Variants in DNAH10 observed in about 807,000 individuals in gnomAD.
DNAH10 encodes the protein dynein axonemal heavy chain 10.
Under a neutral mutation model 506.6 loss-of-function variants are expected in DNAH10, and 348 were observed. The ratio of observed to expected loss-of-function variants is 0.69; its 90% CI spans 0.63 to 0.75. The LOEUF (loss-of-function observed/expected upper bound fraction) is 0.75, where lower values mean the gene tolerates loss of function less well. DNAH10 is among the 30% of genes least tolerant of loss of function. DNAH10 has a pLI of 0.00. For synonymous variants in DNAH10, 2,059 were observed against 2,198.6 expected, an observed-to-expected ratio of 0.94 and a Z score of 1.78; for missense variants, 5,179 against 5,787.1, an observed-to-expected ratio of 0.89 and a Z score of 3.41.
intron 35 of DNAH10, among the ~76,000 whole-genome samples, chr12:123,851,753 G>A (rs552426425): frequency 2.1e-4 from 32 of 152,194 alleles, no homozygotes; most frequent in Non-Finnish European, 3.7e-4. Flanking sequence ...CACCACATCA[G>A]GATACAGAAC....
intron 25 of DNAH10, among the ~76,000 whole-genome samples, chr12:123,827,386 AAT>A (rs1960100125): frequency 6.6e-6 from 1 of 152,246 alleles, no homozygotes; most frequent in African/African-American, 2.4e-5. Context: ...CTTCTTAAAA[AAT>A]ATGTCAAAGT....
Position 123,762,330 on chromosome 12 carries a change from C to T in DNAH10, c.-7C>T, listed in dbSNP as rs538416949. 10 of 1,336,132 alleles carry T rather than the reference C, an allele frequency of 7.5e-6. No individual in the cohort carries two copies. Among genetic ancestry groups the T allele is most frequent in the East Asian group, 3.1e-5 (1 of 32,526 alleles). 82.8% of individuals were successfully genotyped at this position (1,336,132 alleles called of 1,614,324 possible). On this transcript the variant is annotated 5_prime_UTR_variant, in exon 1 of 79. Coordinates refer to ENST00000673944, the MANE Select transcript of DNAH10 (RefSeq NM_001372106.1). This position sits in a 1 kb window ranked among gnomAD's most constrained non-coding sequence, Gnocchi z 5.0. The stretch of plus-strand genomic sequence containing the variant: ...TGCGCCCGGCTCCCTCTGCACTGCG[C>T]GGCGCCATGGACGACCTGCGGGTGC...
chr12:123,930,251 C>T (rs1955142822), intron 72 of DNAH10, 151 bp from the exon 73 acceptor site: 1 of 688,800 alleles, frequency 1.5e-6, no homozygotes, highest in African/African-American at 1.9e-5. Flanking sequence ...GAACAGTGGC[C>T]CGAAAGGTTA....
intron 36 of DNAH10, among the ~76,000 whole-genome samples, chr12:123,854,271 C>T (rs931762293): frequency 1.3e-5 from 2 of 152,150 alleles, no homozygotes; most frequent in Non-Finnish European, 2.9e-5. Flanking sequence ...AGTTGAAGGG[C>T]GATCATGCTA....
At chr12:123,875,534 G>T (rs756773715) in intron 47 of DNAH10, 43 bp downstream of exon 47, 1 of 1,608,124 alleles carries the variant, frequency 6.2e-7, no homozygotes, top group Non-Finnish European at 8.5e-7. Context: ...AAGACCTTGT[G>T]TTGGGGGGAA....
Position 123,808,788 on chromosome 12 carries a change from C to T in DNAH10, c.2988-9C>T, listed in dbSNP as rs775072214. On this transcript the variant is annotated splice_polypyrimidine_tract_variant and intron_variant, in intron 18 of 78. Transcript: ENST00000673944. ...TACACTCTGAGTCTTTCTCATCAACCCCTCTTAGGAACTTGCAGTCTTTTA... is the reference window on the plus strand; with the variant it reads ...TACACTCTGAGTCTTTCTCATCAACTCCTCTTAGGAACTTGCAGTCTTTTA... 102 of 1,613,864 alleles carry T rather than the reference C, an allele frequency of 6.3e-5. No individual in the cohort carries two copies. In the East Asian group the frequency reaches 2.2e-3, roughly 35 times the overall value.
Position 123,919,033 on chromosome 12 carries a change from G to A in DNAH10, c.11506+84G>A. On this transcript the variant is annotated intron_variant, in intron 65 of 78. Transcript: ENST00000673944. The surrounding 1 kb of genome is among the most constrained non-coding windows in gnomAD (Gnocchi z 4.9). ...TTAAGGAAACGTGATCTGTGAAAATGGAAAGTTACCAAATAGCATTTTTTC... is the reference window on the plus strand; with the variant it reads ...TTAAGGAAACGTGATCTGTGAAAATAGAAAGTTACCAAATAGCATTTTTTC... 7.1e-7 allele frequency: 1 copy of A among 1,412,240 alleles called. No homozygotes were observed. The highest frequency in any genetic ancestry group is 9.4e-7 in the Non-Finnish European group (1 of 1,068,922). The allele number at this position is 1,412,240 out of a possible 1,614,324, so 87.5% of individuals were successfully genotyped here.
chr12:123,770,321 C>A (rs533875217), intron 2 of DNAH10, among the ~76,000 whole-genome samples: 2 of 151,650 alleles, frequency 1.3e-5, no homozygotes, highest in Non-Finnish European at 2.9e-5. Context: ...GTCTCAAACT[C>A]CTGGCCTCAA....
chr12:123,918,624 C>T, intron 64 of DNAH10, 52 bp from the exon 65 acceptor site: 1 of 1,522,334 alleles, frequency 6.6e-7, no homozygotes, highest in Non-Finnish European at 8.8e-7. Context: ...CTCCTGCCCT[C>T]TGCCCACATC....
At position 123,935,453 on chromosome 12, in the gene DNAH10, G is replaced by C; in HGVS notation, c.13742G>C (p.Gly4581Ala). 1 of 1,599,940 alleles carries C rather than the reference G, an allele frequency of 6.3e-7. No individual in the cohort carries two copies. Among genetic ancestry groups the C allele is most frequent in the Non-Finnish European group, 8.6e-7 (1 of 1,168,108 alleles). Residue 4581 changes from glycine (G) to alanine (A), a missense_variant, in exon 79 of 79, where the codon GGA becomes GCA. Transcript: ENST00000673944. Reference sequence around the variant, plus strand: ...CACATTTCTCACTGGGTGCTGCAAGGAGTATGCCTCACCCTGAATTCTGAT... The same window carrying C: ...CACATTTCTCACTGGGTGCTGCAAGCAGTATGCCTCACCCTGAATTCTGAT... ...TRHISHWVLQ[G>A]VCLTLNSD
At chr12:123,810,526 A>G (rs1418269797) in intron 19 of DNAH10, among the ~76,000 whole-genome samples, 1 of 152,080 alleles carries the variant, frequency 6.6e-6, no homozygotes, top group Admixed American at 6.6e-5. Context: ...CTAAAAATAC[A>G]CACACATACA....
chr12:123,818,222 C>T (rs1187550236), intron 21 of DNAH10, among the ~76,000 whole-genome samples: 1 of 151,786 alleles, frequency 6.6e-6, no homozygotes, highest in Non-Finnish European at 1.5e-5. Flanking sequence ...GCTGGGATTA[C>T]AGACGTGAGC....
intron 77 of DNAH10, chr12:123,934,250 G>C (rs1287878440): frequency 1.4e-6 from 1 of 699,162 alleles, no homozygotes; most frequent in Non-Finnish European, 2.6e-6. Flanking sequence ...GGCTCACAGG[G>C]TAGCTGGGGT....
At chr12:123,795,097 G>C (rs901396176) in intron 12 of DNAH10, among the ~76,000 whole-genome samples, 8 of 136,832 alleles carry the variant, frequency 5.8e-5, no homozygotes, top group Non-Finnish European at 3.0e-5. Context: ...GCAGTGAGCT[G>C]AGATCGCGCG....
intron 2 of DNAH10, 87 bp downstream of exon 2, chr12:123,767,776 C>T: frequency 8.9e-7 from 1 of 1,123,530 alleles, no homozygotes; most frequent in Non-Finnish European, 1.3e-6. Context: ...GTGCCACAAT[C>T]AGTTGTACTT....
At chr12:123,934,310 G>A in intron 77 of DNAH10, 1 of 687,432 alleles carries the variant, frequency 1.5e-6, no homozygotes, top group Non-Finnish European at 2.7e-6. Flanking sequence ...TCTAGCCTGG[G>A]GGCCCAGGGT....
intron 28 of DNAH10, 130 bp from the exon 29 acceptor site, chr12:123,838,326 G>A: frequency 1.4e-6 from 1 of 704,234 alleles, no homozygotes; most frequent in Non-Finnish European, 2.4e-6. Flanking sequence ...AAAGCCAATG[G>A]CACTGGGCAG....
intron 4 of DNAH10, 134 bp downstream of exon 4, chr12:123,773,076 A>G (rs2135983948): frequency 1.7e-6 from 1 of 603,870 alleles, no homozygotes; most frequent in East Asian, 2.8e-5. Context: ...TCCATACTGT[A>G]CTGGGTTCTT....
intron 40 of DNAH10, 144 bp downstream of exon 40, chr12:123,864,874 C>A: frequency 9.5e-7 from 1 of 1,050,984 alleles, no homozygotes; most frequent in Non-Finnish European, 1.3e-6. Context: ...ACTCTTTGTT[C>A]TTTACTCCTC....
Sources: allele counts gnomAD v4.1 joint callset (sites outside exome capture counted in the v4.1 genomes callset), GRCh38; gene constraint gnomAD v4.1.1; non-coding constraint Gnocchi (gnomAD v3.1); transcripts MANE v1.5; gene names NCBI Gene and HGNC (gene_info 2026-07-23, HGNC 2026-07-21).